TBL1XR1: variants seen among roughly 807,000 people sequenced by gnomAD.
TBL1XR1 encodes F-box-like/WD repeat-containing protein TBL1XR1.
TBL1XR1 carries 5 observed loss-of-function variants against 66.9 expected under a neutral mutation model. The ratio of observed to expected loss-of-function variants is 0.07; its 90% CI spans 0.04 to 0.16. TBL1XR1 has a LOEUF of 0.16. Among genes scored for constraint, TBL1XR1 ranks in the 10% least tolerant of loss-of-function variants. TBL1XR1 has a pLI of 1.00. For missense variants in TBL1XR1, 238 were observed against 623.2 expected (o/e 0.38, Z 6.58); for synonymous variants, 210 against 206.0 (o/e 1.02, Z -0.17).
At chr3:177,068,541 T>C (rs1395579721) in intron 2 of TBL1XR1, among the ~76,000 whole-genome samples, 1 of 152,230 alleles carries the variant, frequency 6.6e-6, no homozygotes, top group Non-Finnish European at 1.5e-5. Context: ...GCAATCCAGC[T>C]ACGACTATTC....
At chr3:177,134,752 T>G (rs1026806678) in intron 1 of TBL1XR1, among the ~76,000 whole-genome samples, 1 of 152,174 alleles carries the variant, frequency 6.6e-6, no homozygotes, top group Non-Finnish European at 1.5e-5. Flanking sequence ...CATACTCTAC[T>G]AACATCCACC....
At chr3:177,162,510 G>A (rs1011231367) in intron 1 of TBL1XR1, among the ~76,000 whole-genome samples, 1 of 152,160 alleles carries the variant, frequency 6.6e-6, no homozygotes, top group African/African-American at 2.4e-5. Context: ...TGTCTAAGAT[G>A]GAGAGAAGGA....
chr3:177,176,881 G>A (rs1307801242), intron 1 of TBL1XR1, among the ~76,000 whole-genome samples: 2 of 152,156 alleles, frequency 1.3e-5, no homozygotes, highest in African/African-American at 4.8e-5. Flanking sequence ...TGACGAGGCT[G>A]AGGTGGGAGG....
chr3:177,088,430 T>C lies in TBL1XR1; in HGVS notation c.-46+10036A>G, dbSNP rs1415441730. On this transcript the variant is annotated intron_variant, in intron 2 of 15. Transcript: ENST00000457928. ...ACTTCGTGTTTAGACTTGGATCCTA[T>C]CCCCAAGATATCTCATTATAGATAT... Among the ~76,000 whole-genome samples, 3 of 152,294 alleles carry C rather than the reference T, an allele frequency of 2.0e-5. No individual in the cohort carries two copies. The East Asian group carries it at 5.8e-4, about 29-fold the overall frequency.
chr3:177,183,812 A>G (rs182050414), intron 1 of TBL1XR1, among the ~76,000 whole-genome samples: 685 of 151,388 alleles, frequency 4.5e-3, no homozygotes, highest in Admixed American at 9.3e-3. Flanking sequence ...TTCTTGAAAC[A>G]TCTAATCGGC....
intron 3 of TBL1XR1, 32 bp downstream of exon 3, chr3:177,064,888 T>G: frequency 7.7e-7 from 1 of 1,297,006 alleles, no homozygotes; most frequent in Non-Finnish European, 1.1e-6. Context: ...TTAAAATAAT[T>G]TGAGGCCTAT....
At chr3:177,196,248 G>A (rs1214647702) in intron 1 of TBL1XR1, 1 of 151,890 alleles carries the variant, frequency 6.6e-6, no homozygotes, top group African/African-American at 2.4e-5. Flanking sequence ...AATTAAATCG[G>A]TTGCAAAGAG....
At chr3:177,121,063 T>TC (rs1384820187) in intron 1 of TBL1XR1, among the ~76,000 whole-genome samples, 4 of 152,214 alleles carry the variant, frequency 2.6e-5, no homozygotes, top group Non-Finnish European at 4.4e-5. Context: ...GAGCCAGGAC[T>TC]CAGGACTCCT....
intron 1 of TBL1XR1, among the ~76,000 whole-genome samples, chr3:177,175,573 A>G (rs1734057234): frequency 6.6e-6 from 1 of 152,208 alleles, no homozygotes; most frequent in Non-Finnish European, 1.5e-5. Context: ...GAACACACTT[A>G]ATTTTTTAAA....
rs977930902 is a variant in TBL1XR1 at position 177,024,759 on chromosome 3, C to T, written c.*739G>A. 7.0e-6 allele frequency: 1 copy of T among 143,758 alleles called. No individual in the cohort carries two copies. The highest frequency in any genetic ancestry group is 6.9e-5 in the Admixed American group (1 of 14,472). 8.9% of individuals were successfully genotyped at this position (143,758 alleles called of 1,614,324 possible). ...AAACAAAAAAACAAAACCAACAGAGCATAATACCCTTTTACTGATGTGTCT... is the reference window on the plus strand; with the variant it reads ...AAACAAAAAAACAAAACCAACAGAGTATAATACCCTTTTACTGATGTGTCT... On this transcript the variant is annotated 3_prime_UTR_variant, in exon 16 of 16. Coordinates refer to ENST00000457928, the MANE Select transcript of TBL1XR1 (RefSeq NM_024665.7).
intron 1 of TBL1XR1, among the ~76,000 whole-genome samples, chr3:177,162,222 T>C (rs971960854): frequency 2.6e-5 from 4 of 152,214 alleles, no homozygotes; most frequent in Non-Finnish European, 4.4e-5. Flanking sequence ...ATTACACTTA[T>C]GCGTGTGTAT....
chr3:177,072,209 T>C (rs982511332), intron 2 of TBL1XR1, among the ~76,000 whole-genome samples: 5 of 152,228 alleles, frequency 3.3e-5, no homozygotes, highest in Non-Finnish European at 7.3e-5. Flanking sequence ...ATTATACTAA[T>C]GACAAAATGT....
chr3:177,169,570 A>T (rs1248367165), intron 1 of TBL1XR1, among the ~76,000 whole-genome samples: 2 of 152,248 alleles, frequency 1.3e-5, no homozygotes, highest in African/African-American at 4.8e-5. Context: ...CAATGCTACT[A>T]CAAAACCACT....
chr3:177,094,007 T>C (rs1410109849), intron 2 of TBL1XR1, among the ~76,000 whole-genome samples: 3 of 152,084 alleles, frequency 2.0e-5, no homozygotes, highest in Non-Finnish European at 4.4e-5. Flanking sequence ...AGCTTCTTCA[T>C]AGCAAAAGGA....
chr3:177,095,494 G>GTT (rs1553840306), intron 2 of TBL1XR1, among the ~76,000 whole-genome samples: 1 of 140,202 alleles, frequency 7.1e-6, no homozygotes, highest in East Asian at 2.0e-4. Flanking sequence ...GGTGCAATTA[G>GTT]ATTTTTTTTT....
intron 1 of TBL1XR1, among the ~76,000 whole-genome samples, chr3:177,150,513 C>G (rs1730758313): frequency 6.6e-6 from 1 of 152,218 alleles, no homozygotes; most frequent in African/African-American, 2.4e-5. Context: ...CCTCCTCTTT[C>G]AGCAACTACA....
chr3:177,143,483 A>C (rs1320318221), intron 1 of TBL1XR1, among the ~76,000 whole-genome samples: 1 of 152,238 alleles, frequency 6.6e-6, no homozygotes, highest in Non-Finnish European at 1.5e-5. Context: ...TTTTTACAGT[A>C]CGTGAAGTGA....
chr3:177,056,074 C>T (rs531658819), intron 3 of TBL1XR1, among the ~76,000 whole-genome samples: 22 of 152,268 alleles, frequency 1.4e-4, no homozygotes, highest in Admixed American at 1.0e-3. Context: ...TAAAAGACTA[C>T]ATCACTGTTT....
intron 1 of TBL1XR1, among the ~76,000 whole-genome samples, chr3:177,191,472 C>T (rs1736130952): frequency 6.6e-6 from 1 of 152,216 alleles, no homozygotes; most frequent in Non-Finnish European, 1.5e-5. Flanking sequence ...TCAATTTTCT[C>T]ACTGTTAAAT....
Sources: gnomAD v4.1 joint callset for allele counts (sites outside exome capture counted in the v4.1 genomes callset) on GRCh38, gnomAD v4.1.1 for gene constraint, MANE v1.5 for transcripts, NCBI Gene and HGNC (gene_info 2026-07-23, HGNC 2026-07-21) for gene names.